Variants in SNX31 observed in about 807,000 individuals in gnomAD.
SNX31 encodes the protein sorting nexin 31, also known as sorting nexin-31.
A neutral mutation model predicts 65.4 loss-of-function variants in SNX31; 58 were observed. The observed-to-expected ratio is 0.89, with a 90% CI of 0.72 to 1.10. The LOEUF is 1.10. SNX31 is among the 50% of genes least tolerant of loss of function. The pLI, the probability that SNX31 is intolerant of heterozygous loss-of-function variation, is 0.00. For missense variants in SNX31, 523 were observed against 529.7 expected, an observed-to-expected ratio of 0.99 and a Z score of 0.12; for synonymous variants, 181 against 190.1, an observed-to-expected ratio of 0.95 and a Z score of 0.39.
intron 4 of SNX31, among the ~76,000 whole-genome samples, chr8:100,624,927 G>C (rs923562987): frequency 6.6e-6 from 1 of 151,964 alleles, no homozygotes; most frequent in Non-Finnish European, 1.5e-5. Flanking sequence ...TCAGCCTCCA[G>C]AGTAGCGGGG....
intron 2 of SNX31, among the ~76,000 whole-genome samples, chr8:100,640,031 A>G (rs1392222191): frequency 6.6e-6 from 1 of 152,232 alleles, no homozygotes; most frequent in African/African-American, 2.4e-5. Flanking sequence ...CAAAGTATAA[A>G]GTGAATATCC....
chr8:100,651,003 C>T (rs1181523492), upstream of SNX31, among the ~76,000 whole-genome samples: 1 of 152,054 alleles, frequency 6.6e-6, no homozygotes, highest in Non-Finnish European at 1.5e-5. Context: ...CAGGCATACG[C>T]CACCACACCC....
intron 1 of SNX31, chr8:100,657,757 A>T (rs771387808): frequency 2.2e-6 from 1 of 452,706 alleles, no homozygotes; most frequent in South Asian, 1.6e-5. Context: ...AATGAAGTGG[A>T]CTACTTGGGA....
intron 8 of SNX31, among the ~76,000 whole-genome samples, chr8:100,606,810 T>G (rs895415849): frequency 6.6e-6 from 1 of 152,272 alleles, no homozygotes; most frequent in Non-Finnish European, 1.5e-5. Context: ...GCAGCAAATC[T>G]AATGTTTTTC....
rs76981553 is a variant in SNX31 at position 100,660,324 on chromosome 8, T to G, written c.-58+2818A>C. Among the ~76,000 whole-genome samples, 1,071 of 152,320 alleles carry G rather than the reference T, an allele frequency of 7.0e-3. 13 individuals are homozygous for G. Among genetic ancestry groups the G allele is most frequent in the Middle Eastern group, 0.027 (8 of 294 alleles). On this transcript the variant is annotated intron_variant, in intron 1 of 5. Transcript: ENST00000520352. The surrounding 1 kb of genome is among the most constrained non-coding windows in gnomAD (Gnocchi z 4.1). ...AGAGGTGAGCTTGTCCCAGTCACAT[T>G]GTTTAAAAGTGGCAGGGCCAGAAAT...
intron 9 of SNX31, among the ~76,000 whole-genome samples, chr8:100,597,937 T>A (rs905279138): frequency 6.6e-6 from 1 of 152,248 alleles, no homozygotes; most frequent in Non-Finnish European, 1.5e-5. Context: ...CCTGGCCTAA[T>A]GGTATGTGAG....
At chr8:100,618,064 C>T in intron 4 of SNX31, 1 of 985,324 alleles carries the variant, frequency 1.0e-6, no homozygotes, top group Non-Finnish European at 1.2e-6. Context: ...CCACGCCCGG[C>T]CTCCACACCA....
intron 11 of SNX31, among the ~76,000 whole-genome samples, chr8:100,585,523 T>C (rs1262461680): frequency 1.3e-5 from 2 of 152,018 alleles, no homozygotes; most frequent in Non-Finnish European, 2.9e-5. Flanking sequence ...CTCAATGTCT[T>C]CCAGGGGTGT....
chr8:100,641,577 T>A lies in SNX31; in HGVS notation c.142-5566A>T, dbSNP rs1353654568. Among the ~76,000 whole-genome samples the A allele has an allele frequency of 6.5e-3, 238 of 36,410 alleles. 3 individuals carry two copies. The highest frequency in any genetic ancestry group is 0.014 in the African/African-American group (78 of 5,664). 23.9% of individuals were successfully genotyped at this position (36,410 alleles called of 152,430 possible). A position where few individuals can be genotyped will look rare whatever the true frequency, so the allele number is the denominator to read the frequency against. On this transcript the variant is annotated intron_variant, in intron 2 of 13. Transcript: ENST00000311812. Reference sequence around the variant, plus strand: ...AAAAAAAAAAAAAAATATATATATATATATATATATATATATATACACATA... The same window carrying A: ...AAAAAAAAAAAAAAATATATATATAAATATATATATATATATATACACATA...
intron 11 of SNX31, among the ~76,000 whole-genome samples, chr8:100,587,497 A>T (rs958171202): frequency 1.1e-4 from 17 of 152,202 alleles, no homozygotes; most frequent in African/African-American, 3.1e-4. Flanking sequence ...AGCTACCCTG[A>T]ACACATAATT....
Position 100,635,769 on chromosome 8 carries a change from G to T in SNX31, c.256+128C>A, listed in dbSNP as rs188446601. 2.6e-3 allele frequency: 1,615 copies of T among 617,598 alleles called. 18 individuals are homozygous for T. The highest frequency in any genetic ancestry group is 0.021 in the African/African-American group (1,154 of 53,810). 38.3% of individuals were successfully genotyped at this position (617,598 alleles called of 1,614,324 possible). A position where few individuals can be genotyped will look rare whatever the true frequency, so the allele number is the denominator to read the frequency against. ...TGACAATATTCTAAAATTAGATTAC[G>T]GTAATGGTCGCACAATTAATTACAT... On this transcript the variant is annotated intron_variant, in intron 3 of 13. Transcript: ENST00000311812.
intron 11 of SNX31, 74 bp from the exon 12 acceptor site, chr8:100,584,262 A>G: frequency 8.1e-7 from 1 of 1,237,740 alleles, no homozygotes. Context: ...CTCACACCAC[A>G]AAGCGGATTT....
At chr8:100,600,258 G>A in intron 9 of SNX31, 91 bp downstream of exon 9, 2 of 1,057,274 alleles carry the variant, frequency 1.9e-6, no homozygotes, top group Admixed American at 4.1e-5. Flanking sequence ...TTAGTGCTTG[G>A]TAGGTTTATC....
rs758948847 is a variant in SNX31, at chr8:100,588,863, C to T, written c.1092+3G>A. The T allele has an allele frequency of 1.2e-6, 2 of 1,607,644 alleles. No homozygotes were observed. The highest frequency in any genetic ancestry group is 8.5e-7 in the Non-Finnish European group (1 of 1,174,292). On this transcript the variant is annotated splice_donor_region_variant and intron_variant, in intron 11 of 13. Transcript: ENST00000311812. The surrounding 1 kb of genome is among the most constrained non-coding windows in gnomAD (Gnocchi z 4.8). ...GTGTTCAAGGTCTGCCCTGAGAACT[C>T]ACCTGTTTGGTGTAAATAACAAACC...
chr8:100,577,287 A>G (rs556904140), intron 12 of SNX31, among the ~76,000 whole-genome samples: 1 of 152,388 alleles, frequency 6.6e-6, no homozygotes, highest in South Asian at 2.1e-4. Flanking sequence ...AAAGTTAAGT[A>G]AAACTTAATG....
At chr8:100,574,371 T>C (rs978690709) in intron 13 of SNX31, among the ~76,000 whole-genome samples, 1 of 152,210 alleles carries the variant, frequency 6.6e-6, no homozygotes, top group Non-Finnish European at 1.5e-5. Context: ...CAGTGGCTCA[T>C]GCCTGTAATC....
rs182874773 is a variant in SNX31, at chr8:100,614,050, T to C, written c.433-965A>G. Among the ~76,000 whole-genome samples, 7 of 152,278 alleles carry C rather than the reference T, an allele frequency of 4.6e-5. No individual in the cohort carries two copies. The highest frequency in any genetic ancestry group is 1.7e-4 in the African/African-American group (7 of 41,550). ...CTTCTCTTGTCAGAGATACATAAAT[T>C]ACCCCCAGGAAGCAGTCTGATTAGG... On this transcript the variant is annotated intron_variant, in intron 5 of 13. Transcript: ENST00000311812. This position sits in a 1 kb window ranked among gnomAD's most constrained non-coding sequence, Gnocchi z 5.1.
chr8:100,659,337 G>A (rs1010949135), intron 1 of SNX31, among the ~76,000 whole-genome samples: 1 of 114,632 alleles, frequency 8.7e-6, no homozygotes, highest in Non-Finnish European at 1.6e-5. Flanking sequence ...CTGGGCGACA[G>A]AGCAAAACTC....
rs1813194050 is a variant in SNX31, at chr8:100,578,077, C to T, written c.1171-1002G>A. ...GCATTAGGCCACATTCAGACATGTCCTGGGCTGCATGCAGCCCGCAGGCTG... is the reference window on the plus strand; with the variant it reads ...GCATTAGGCCACATTCAGACATGTCTTGGGCTGCATGCAGCCCGCAGGCTG... On this transcript the variant is annotated intron_variant, in intron 12 of 13. Coordinates refer to ENST00000311812, the MANE Select transcript of SNX31 (RefSeq NM_152628.4). This position sits in a 1 kb window ranked among gnomAD's most constrained non-coding sequence, Gnocchi z 4.7. Among the ~76,000 whole-genome samples the T allele has an allele frequency of 6.9e-6, 1 of 144,086 alleles. No individual in the cohort carries two copies. The allele number at this position is 144,086 out of a possible 152,430, so 94.5% of individuals were successfully genotyped here. A position where few individuals can be genotyped will look rare whatever the true frequency, so the allele number is the denominator to read the frequency against.
Sources: allele counts gnomAD v4.1 joint callset (sites outside exome capture counted in the v4.1 genomes callset), GRCh38; gene constraint gnomAD v4.1.1; non-coding constraint Gnocchi (gnomAD v3.1); transcripts MANE v1.5; gene names NCBI Gene and HGNC (gene_info 2026-07-23, HGNC 2026-07-21).